Variants in MINDY4B observed in about 807,000 individuals in gnomAD.
The protein encoded by MINDY4B is inactive ubiquitin carboxyl-terminal hydrolase MINDY-4B.
In MINDY4B, 25 loss-of-function variants were observed where a neutral mutation model predicts 16.7. That is an observed-to-expected ratio of 1.49 (90% confidence interval 1.09 to 2.09). The LOEUF is 2.09. MINDY4B is among the 30% of genes most tolerant of loss of function. MINDY4B has a pLI of 0.00. For synonymous variants in MINDY4B, 132 were observed against 61.9 expected (o/e 2.13, Z -5.32); for missense variants, 327 against 168.4 (o/e 1.94, Z -5.21).
In MINDY4B at chr3:150,905,352, AT is replaced by A. The variant is rs907419475; in HGVS notation, c.87del (p.Lys29AsnfsTer71). 1.0e-5 allele frequency: 4 copies of A among 398,418 alleles called. No individual in the cohort carries two copies. Among genetic ancestry groups the A allele is most frequent in the Non-Finnish European group, 1.3e-5 (3 of 225,986 alleles). 24.7% of individuals were successfully genotyped at this position (398,418 alleles called of 1,614,324 possible). A position where few individuals can be genotyped will look rare whatever the true frequency, so the allele number is the denominator to read the frequency against. On this transcript the variant is annotated frameshift_variant, in exon 1 of 12. Coordinates refer to ENST00000465419, the MANE Select transcript of MINDY4B (RefSeq NM_001351281.2). LOFTEE classifies it high-confidence loss of function. ...EISRKISFLDKWREIFSYHRL... is the reference protein window; with the variant it reads ...EISRKISFLDXWREIFSYHRL... ...CTGTGATAACTAAAGATTTCCCTCC[AT>A]TTGTCAAGGAATGAAATTTTCCTTG...
chr3:150,877,011 T>C (rs993135096), intron 10 of MINDY4B, among the ~76,000 whole-genome samples: 1 of 151,810 alleles, frequency 6.6e-6, no homozygotes, highest in Non-Finnish European at 1.5e-5. Flanking sequence ...TCTGGTGGGC[T>C]CTGGGGGGCT....
intron 10 of MINDY4B, among the ~76,000 whole-genome samples, chr3:150,874,053 T>C (rs1717034258): frequency 6.8e-6 from 1 of 147,694 alleles, no homozygotes; most frequent in Non-Finnish European, 1.5e-5. Context: ...TCTTGCTCTG[T>C]CATCCAGGCT....
intron 7 of MINDY4B, among the ~76,000 whole-genome samples, chr3:150,889,006 T>C (rs1463587804): frequency 1.3e-5 from 2 of 152,202 alleles, no homozygotes; most frequent in African/African-American, 4.8e-5. Flanking sequence ...GTAATCCCAT[T>C]CAATGTCTCT....
At chr3:150,901,517 CTTTTCTTTTTTTTTT>C (rs1001876213) in intron 3 of MINDY4B, 2 of 131,584 alleles carry the variant, frequency 1.5e-5, no homozygotes, top group African/African-American at 3.3e-5. Context: ...CTTTTCTTTT[CTTTTCTTTTTTTTTT>C]TTTTTTTTTG....
At chr3:150,871,326 G>A in intron 11 of MINDY4B, 139 bp from the exon 12 acceptor site, 1 of 610,350 alleles carries the variant, frequency 1.6e-6, no homozygotes, top group South Asian at 2.0e-5. Context: ...AAGCAGATGG[G>A]GATTCAAGCA....
rs898840631 is a variant in MINDY4B, at chr3:150,891,037, C to T, written c.588G>A (p.Trp196Ter). ...ALAAALAGIL[W>*]AAGAAQKATI... ...TGGCCTTCTGAGCTGCTCCTGCAGCCCACAGGATGCCAGCAAGCGCCGCGG... is the reference window on the plus strand; with the variant it reads ...TGGCCTTCTGAGCTGCTCCTGCAGCTCACAGGATGCCAGCAAGCGCCGCGG... Residue 196 changes from tryptophan to a stop codon, truncating the protein, a stop_gained, in exon 6 of 12, where the codon TGG becomes TGA. Transcript: ENST00000465419. LOFTEE classifies it high-confidence loss of function. The T allele has an allele frequency of 4.3e-6, 3 of 702,724 alleles. No homozygotes were observed. The highest frequency in any genetic ancestry group is 1.7e-5 in the African/African-American group (1 of 57,254). The allele number at this position is 702,724 out of a possible 1,614,324, so 43.5% of individuals were successfully genotyped here. A position where few individuals can be genotyped will look rare whatever the true frequency, so the allele number is the denominator to read the frequency against.
At position 150,883,776 on chromosome 3, in the gene MINDY4B, C is replaced by A. The variant is rs1711563089; in HGVS notation, c.825-4G>T. ...GACATCTAGGTCCATTTGAAGCCTG[C>A]AGAGTGGGAGAAGCCATCAGCATCC... On this transcript the variant is annotated splice_region_variant and splice_polypyrimidine_tract_variant and intron_variant, in intron 8 of 11. Transcript: ENST00000465419. 1 of 702,670 alleles carries A rather than the reference C, an allele frequency of 1.4e-6. No homozygotes were observed. Among genetic ancestry groups the A allele is most frequent in the Non-Finnish European group, 2.6e-6 (1 of 384,792 alleles). The allele number at this position is 702,670 out of a possible 1,614,324, so 43.5% of individuals were successfully genotyped here. A position where few individuals can be genotyped will look rare whatever the true frequency, so the allele number is the denominator to read the frequency against.
chr3:150,897,250 A>T (rs1430196546), intron 3 of MINDY4B, among the ~76,000 whole-genome samples: 1 of 152,104 alleles, frequency 6.6e-6, no homozygotes, highest in Admixed American at 6.6e-5. Context: ...AGAGAGAAAG[A>T]TCTACAAACA....
At chr3:150,872,339 C>T (rs1262302599) in intron 11 of MINDY4B, among the ~76,000 whole-genome samples, 1 of 152,192 alleles carries the variant, frequency 6.6e-6, no homozygotes, top group Non-Finnish European at 1.5e-5. Context: ...ATAAAATAGT[C>T]ACTAGATGCT....
At chr3:150,896,356 T>G (rs1711967410) in intron 3 of MINDY4B, among the ~76,000 whole-genome samples, 1 of 152,180 alleles carries the variant, frequency 6.6e-6, no homozygotes, top group African/African-American at 2.4e-5. Context: ...ACCAACGTCC[T>G]GAATCCTTTT....
intron 2 of MINDY4B, among the ~76,000 whole-genome samples, chr3:150,903,811 A>G (rs756753776): frequency 2.6e-5 from 4 of 152,226 alleles, no homozygotes; most frequent in Non-Finnish European, 2.9e-5. Flanking sequence ...TAACTGGCCA[A>G]TAAATGAAGT....
At chr3:150,881,766 A>G (rs1182285678) in intron 10 of MINDY4B, among the ~76,000 whole-genome samples, 1 of 152,214 alleles carries the variant, frequency 6.6e-6, no homozygotes, top group Non-Finnish European at 1.5e-5. Flanking sequence ...ATGATGAACA[A>G]AGAATACAAA....
Position 150,894,186 on chromosome 3 carries a change from C to T in MINDY4B, c.429G>A (p.Lys143=). The T allele has an allele frequency of 1.5e-6, 1 of 689,542 alleles. No individual in the cohort carries two copies. Among genetic ancestry groups the T allele is most frequent in the Non-Finnish European group, 2.6e-6 (1 of 381,456 alleles). 42.7% of individuals were successfully genotyped at this position (689,542 alleles called of 1,614,324 possible). Residue 143 remains lysine, a splice_region_variant and synonymous_variant, in exon 4 of 12, where the codon AAG becomes AAA. Transcript: ENST00000465419. Reference sequence around the variant, plus strand: ...TTAAAAATTATAAACTGGCTATTACCTTTCCCACTTCCAGAGTGAAAGCTA... The same window carrying T: ...TTAAAAATTATAAACTGGCTATTACTTTTCCCACTTCCAGAGTGAAAGCTA... The part of the protein sequence containing the change: ...SELAFTLEVG[K]GGARSIQMAV...
chr3:150,897,108 C>G (rs141185399), intron 3 of MINDY4B, among the ~76,000 whole-genome samples: 7 of 152,092 alleles, frequency 4.6e-5, no homozygotes, highest in African/African-American at 1.7e-4. Flanking sequence ...CACTAGGTAA[C>G]TCAAGGATAT....
chr3:150,904,519 T>A (rs1483315300), intron 2 of MINDY4B, among the ~76,000 whole-genome samples: 2 of 152,242 alleles, frequency 1.3e-5, no homozygotes, highest in Non-Finnish European at 2.9e-5. Context: ...GCTCAGTGAT[T>A]GAAGTAATAC....
chr3:150,904,567 T>C (rs1712196475), intron 2 of MINDY4B, among the ~76,000 whole-genome samples: 2 of 152,210 alleles, frequency 1.3e-5, no homozygotes, highest in African/African-American at 4.8e-5. Context: ...ACCTTTTCAG[T>C]TTACATGAGG....
intron 3 of MINDY4B, among the ~76,000 whole-genome samples, chr3:150,897,427 C>T (rs188143370): frequency 6.7e-6 from 1 of 150,112 alleles, no homozygotes; most frequent in Non-Finnish European, 1.5e-5. Flanking sequence ...TGGGCCTGAT[C>T]CTGGATAACT....
intron 4 of MINDY4B, 105 bp downstream of exon 4, chr3:150,894,081 C>T (rs749985019): frequency 3.0e-5 from 16 of 538,346 alleles, no homozygotes; most frequent in Non-Finnish European, 4.9e-5. Context: ...TATTTCTACA[C>T]ATGATTATAA....
At position 150,904,298 on chromosome 3, in the gene MINDY4B, C is replaced by T. The variant is rs191107383; in HGVS notation, c.141+764G>A. On this transcript the variant is annotated intron_variant, in intron 2 of 11. Coordinates refer to ENST00000465419, the MANE Select transcript of MINDY4B (RefSeq NM_001351281.2). ...TATCCCCCCAAATGATAGATATCTC[C>T]ATTTAATACTTCCAAGACTAAAATA... Among the ~76,000 whole-genome samples, 324 of 152,192 alleles carry T rather than the reference C, an allele frequency of 2.1e-3. 1 individual carries two copies. The highest frequency in any genetic ancestry group is 3.7e-3 in the Non-Finnish European group (254 of 68,002).
Sources: gnomAD v4.1 joint callset for allele counts (sites outside exome capture counted in the v4.1 genomes callset) on GRCh38, gnomAD v4.1.1 for gene constraint, MANE v1.5 for transcripts, NCBI Gene and HGNC (gene_info 2026-07-23, HGNC 2026-07-21) for gene names.